Variants in USH2A observed in about 807,000 individuals in gnomAD.
USH2A encodes the protein Usher syndrome 2A (autosomal recessive, mild).
In USH2A, 443 loss-of-function variants were observed where a neutral mutation model predicts 538.9. The ratio of observed to expected loss-of-function variants is 0.82; its 90% CI spans 0.76 to 0.89. The LOEUF (loss-of-function observed/expected upper bound fraction) is 0.89, where lower values mean the gene tolerates loss of function less well. USH2A is among the 40% of genes least tolerant of loss of function. USH2A has a pLI of 0.00. For synonymous variants in USH2A, 2,413 were observed against 2,273.5 expected, an observed-to-expected ratio of 1.06 and a Z score of -1.75; for missense variants, 6,633 against 6,324.8, an observed-to-expected ratio of 1.05 and a Z score of -1.65.
chr1:215,982,148 G>A (rs1258145022), intron 35 of USH2A, among the ~76,000 whole-genome samples: 2 of 152,140 alleles, frequency 1.3e-5, no homozygotes, highest in African/African-American at 2.4e-5. Context: ...TCATGACCAC[G>A]TACCTTTAAA....
intron 69 of USH2A, among the ~76,000 whole-genome samples, 161 bp downstream of exon 69, chr1:215,638,993 CA>C (rs146300382): frequency 1.7e-4 from 22 of 132,258 alleles, no homozygotes; most frequent in Non-Finnish European, 1.6e-4. Context: ...AAAACAACAA[CA>C]AAAAAAAAAC....
chr1:216,066,060 A>G (rs527248253), intron 30 of USH2A, among the ~76,000 whole-genome samples: 1 of 152,290 alleles, frequency 6.6e-6, no homozygotes, highest in Admixed American at 6.5e-5. Context: ...TGCCTTTTAA[A>G]TTTGCAATTT....
chr1:215,824,553 T>C (rs894747412), intron 47 of USH2A, among the ~76,000 whole-genome samples: 31 of 152,198 alleles, frequency 2.0e-4, no homozygotes, highest in Middle Eastern at 3.4e-3. Flanking sequence ...GGAGCAAAAC[T>C]ACTACAGTGT....
At chr1:216,231,618 G>A (rs918202582) in intron 14 of USH2A, among the ~76,000 whole-genome samples, 2 of 151,432 alleles carry the variant, frequency 1.3e-5, no homozygotes, top group African/African-American at 4.9e-5. Flanking sequence ...GCGCGATCTC[G>A]GCTCACTGCA....
At chr1:215,728,475 T>C in intron 60 of USH2A, 91 bp from the exon 61 acceptor site, 1 of 1,282,640 alleles carries the variant, frequency 7.8e-7, no homozygotes, top group East Asian at 2.5e-5. Flanking sequence ...TTAGAATTTG[T>C]TATCAACTTA....
chr1:216,147,508 G>A (rs1397826721), intron 21 of USH2A, among the ~76,000 whole-genome samples: 2 of 151,810 alleles, frequency 1.3e-5, no homozygotes, highest in Admixed American at 1.3e-4. Context: ...TTGTTTGGCA[G>A]CAACACTGAG....
At chr1:216,183,240 G>A (rs181146088) in intron 20 of USH2A, among the ~76,000 whole-genome samples, 6 of 151,816 alleles carry the variant, frequency 4.0e-5, no homozygotes, top group Admixed American at 6.6e-5. Context: ...CATCAGCTGC[G>A]CTTTTCTATA....
At chr1:216,004,266 G>C (rs1668339878) in intron 32 of USH2A, among the ~76,000 whole-genome samples, 1 of 152,124 alleles carries the variant, frequency 6.6e-6, no homozygotes, top group Non-Finnish European at 1.5e-5. Flanking sequence ...CATATAGATG[G>C]CTAGGAGTGC....
chr1:215,840,541 C>G (rs951231260), intron 46 of USH2A, among the ~76,000 whole-genome samples: 1 of 152,108 alleles, frequency 6.6e-6, no homozygotes, highest in Admixed American at 6.6e-5. Context: ...CTCAGGCTAC[C>G]AGAAGAGGAG....
chr1:215,889,965 A>G (rs1380174265), intron 40 of USH2A, among the ~76,000 whole-genome samples: 3 of 152,174 alleles, frequency 2.0e-5, no homozygotes, highest in African/African-American at 7.2e-5. Flanking sequence ...AAGGGCTGTT[A>G]AGTTTTTCAA....
rs6689120 is a variant in USH2A at position 215,970,606 on chromosome 1, T to A, written c.6957+19A>T. ...TCTGACATTTAACACATTCCTAGAA[T>A]GTAAATTTAGATACTCACCAGTGGG... On this transcript the variant is annotated intron_variant, in intron 36 of 71. Coordinates refer to ENST00000307340, the MANE Select transcript of USH2A (RefSeq NM_206933.4). The A allele has an allele frequency of 6.2e-7, 1 of 1,613,342 alleles. No individual in the cohort carries two copies. The highest frequency in any genetic ancestry group is 8.5e-7 in the Non-Finnish European group (1 of 1,179,586).
At chr1:216,232,886 C>A (rs1390693359) in intron 13 of USH2A, among the ~76,000 whole-genome samples, 2 of 152,144 alleles carry the variant, frequency 1.3e-5, no homozygotes, top group Non-Finnish European at 1.5e-5. Flanking sequence ...ATTATTACAT[C>A]TATTCTGTCA....
chr1:215,819,111 C>T (rs1416023008), intron 47 of USH2A, among the ~76,000 whole-genome samples: 4 of 151,776 alleles, frequency 2.6e-5, no homozygotes, highest in Admixed American at 6.6e-5. Flanking sequence ...ACATATAAAG[C>T]ATTAGCATTC....
At chr1:215,657,545 C>T (rs1038258010) in intron 64 of USH2A, among the ~76,000 whole-genome samples, 2 of 152,204 alleles carry the variant, frequency 1.3e-5, no homozygotes, top group Non-Finnish European at 2.9e-5. Flanking sequence ...TGTTTTCCAG[C>T]ATCTCTATCT....
At chr1:216,196,239 T>G (rs528637764) in intron 19 of USH2A, among the ~76,000 whole-genome samples, 36 of 152,160 alleles carry the variant, frequency 2.4e-4, no homozygotes, top group African/African-American at 7.2e-4. Flanking sequence ...TTATTGTGTG[T>G]CCAAATAACA....
intron 21 of USH2A, among the ~76,000 whole-genome samples, chr1:216,108,637 T>C (rs1242315634): frequency 6.6e-6 from 1 of 152,022 alleles, no homozygotes; most frequent in Non-Finnish European, 1.5e-5. Flanking sequence ...ATCTGTTTAT[T>C]TTTTAACCTA....
At chr1:216,157,325 C>G (rs1229257799) in intron 21 of USH2A, among the ~76,000 whole-genome samples, 1 of 152,174 alleles carries the variant, frequency 6.6e-6, no homozygotes, top group Non-Finnish European at 1.5e-5. Flanking sequence ...CAAAAAACAG[C>G]AGATGCTGGT....
intron 11 of USH2A, among the ~76,000 whole-genome samples, chr1:216,254,983 T>C (rs1161613235): frequency 6.6e-6 from 1 of 152,230 alleles, no homozygotes; most frequent in African/African-American, 2.4e-5. Context: ...TGTAGTTTAT[T>C]CTCTATGATC....
intron 21 of USH2A, among the ~76,000 whole-genome samples, chr1:216,142,523 C>T (rs2033621492): frequency 6.6e-6 from 1 of 152,062 alleles, no homozygotes; most frequent in South Asian, 2.1e-4. Flanking sequence ...TTGTCTAATC[C>T]TATGCACTTA....
Sources: gnomAD v4.1 joint callset for allele counts (sites outside exome capture counted in the v4.1 genomes callset) on GRCh38, gnomAD v4.1.1 for gene constraint, MANE v1.5 for transcripts, NCBI Gene and HGNC (gene_info 2026-07-23, HGNC 2026-07-21) for gene names.